Variants in RIMS2 observed in about 807,000 individuals in gnomAD.
RIMS2 encodes regulating synaptic membrane exocytosis protein 2.
In RIMS2, 59 loss-of-function variants were observed where a neutral mutation model predicts 174.4. The observed-to-expected ratio is 0.34, with a 90% CI of 0.27 to 0.42. The LOEUF (loss-of-function observed/expected upper bound fraction) is 0.42. RIMS2 is among the 10% of genes least tolerant of loss of function. The pLI is 1.00. For synonymous variants in RIMS2, 606 were observed against 572.5 expected (o/e 1.06, Z -0.84); for missense variants, 1,620 against 1,666.3 (o/e 0.97, Z 0.48).
intron 8 of RIMS2, 75 bp downstream of exon 11, chr8:103,916,612 A>G: frequency 8.6e-7 from 1 of 1,169,450 alleles, no homozygotes; most frequent in South Asian, 1.8e-5. Context: ...CCATTTAATA[A>G]TTTCTGATTG....
At chr8:103,942,962 T>C (rs1206219361) in intron 14 of RIMS2, 36 bp downstream of exon 16, 1 of 1,535,108 alleles carries the variant, frequency 6.5e-7, no homozygotes, top group East Asian at 2.3e-5. Context: ...ATTTTTATTG[T>C]ATTTTCCTAA....
intron 1 of RIMS2, among the ~76,000 whole-genome samples, chr8:103,573,753 T>G (rs946031823): frequency 6.6e-6 from 1 of 152,194 alleles, no homozygotes; most frequent in African/African-American, 2.4e-5. Context: ...AAAATGATGC[T>G]AGTAATTTGA....
At chr8:104,102,606 G>T (rs2097923728) in intron 19 of RIMS2, among the ~76,000 whole-genome samples, 1 of 152,112 alleles carries the variant, frequency 6.6e-6, no homozygotes, top group Non-Finnish European at 1.5e-5. Flanking sequence ...AGAAAAAGAG[G>T]TTTAATTGAC....
At chr8:103,717,205 C>T (rs1390080627) in intron 2 of RIMS2, among the ~76,000 whole-genome samples, 1 of 125,464 alleles carries the variant, frequency 8.0e-6, no homozygotes, top group Non-Finnish European at 1.6e-5. Context: ...TCTTTAGTTA[C>T]TCAGTTGGGG....
At chr8:103,670,100 T>G (rs1302176863) in intron 1 of RIMS2, among the ~76,000 whole-genome samples, 11 of 152,230 alleles carry the variant, frequency 7.2e-5, no homozygotes, top group Non-Finnish European at 1.5e-5. Context: ...ACCTCAATTC[T>G]TGACTTCTGT....
chr8:103,600,957 CA>C (rs1348085399), intron 1 of RIMS2, among the ~76,000 whole-genome samples: 4 of 152,152 alleles, frequency 2.6e-5, no homozygotes, highest in Non-Finnish European at 5.9e-5. Context: ...ATCAATGAAT[CA>C]GTGATGTTGA....
chr8:103,590,745 A>G (rs35972209), intron 1 of RIMS2, among the ~76,000 whole-genome samples: 27,517 of 150,956 alleles, frequency 0.18, 2,749 homozygotes, highest in African/African-American at 0.26. Flanking sequence ...TATGTAGACT[A>G]TATTCTTCTG....
chr8:104,095,994 C>T (rs1428131619), intron 19 of RIMS2, among the ~76,000 whole-genome samples: 1 of 152,048 alleles, frequency 6.6e-6, no homozygotes, highest in Non-Finnish European at 1.5e-5. Context: ...AATCTTAAGG[C>T]ATATTTTATT....
At chr8:103,921,761 C>A (rs1235134896) in exon 10 of RIMS2, 1 of 1,426,938 alleles carries the variant, frequency 7.0e-7, no homozygotes, top group Non-Finnish European at 9.9e-7. Flanking sequence ...GGATGTCCCA[C>A]AGTTCTTATC....
At chr8:103,925,471 A>G (rs2078591664) in intron 10 of RIMS2, among the ~76,000 whole-genome samples, 1 of 151,528 alleles carries the variant, frequency 6.6e-6, no homozygotes. Context: ...TCATTGTCAT[A>G]ACTTTGTTAT....
intron 19 of RIMS2, among the ~76,000 whole-genome samples, chr8:104,014,977 C>T (rs975921608): frequency 6.6e-6 from 1 of 152,136 alleles, no homozygotes; most frequent in Non-Finnish European, 1.5e-5. Flanking sequence ...AATTTTCACA[C>T]ACTGCAAAGG....
chr8:103,751,175 G>T (rs898659367), intron 2 of RIMS2, among the ~76,000 whole-genome samples: 5 of 151,936 alleles, frequency 3.3e-5, no homozygotes, highest in Non-Finnish European at 7.4e-5. Flanking sequence ...CAGTTCCCAC[G>T]CATGAGTGAG....
chr8:103,886,810 T>C (rs915908933), intron 4 of RIMS2, among the ~76,000 whole-genome samples: 2 of 151,750 alleles, frequency 1.3e-5, no homozygotes, highest in African/African-American at 4.8e-5. Flanking sequence ...TAGATGTTCT[T>C]TAGTAATACG....
chr8:103,763,875 C>A (rs1408116675), intron 2 of RIMS2, among the ~76,000 whole-genome samples: 1 of 152,212 alleles, frequency 6.6e-6, no homozygotes, highest in African/African-American at 2.4e-5. Context: ...GTATGAACTC[C>A]TTTGGTCTTA....
chr8:103,750,241 A>G (rs187041074), intron 2 of RIMS2, among the ~76,000 whole-genome samples: 4 of 152,292 alleles, frequency 2.6e-5, no homozygotes. Context: ...GAATCAGTTC[A>G]AAAAGTATCA....
chr8:103,878,485 G>T (rs1339174789), intron 3 of RIMS2, among the ~76,000 whole-genome samples: 1 of 151,740 alleles, frequency 6.6e-6, no homozygotes, highest in African/African-American at 2.4e-5. Flanking sequence ...TATTTGTTGA[G>T]GATTTTTGCA....
intron 3 of RIMS2, among the ~76,000 whole-genome samples, chr8:103,847,152 C>A (rs569562557): frequency 6.6e-6 from 1 of 152,092 alleles, no homozygotes; most frequent in Non-Finnish European, 1.5e-5. Flanking sequence ...ACCAGGATTT[C>A]TTGCTTCACA....
chr8:103,575,433 A>G lies in RIMS2; in HGVS notation c.176+74371A>G, dbSNP rs762135773. On this transcript the variant is annotated intron_variant, in intron 1 of 23. Transcript: ENST00000504942. The stretch of plus-strand genomic sequence containing the variant: ...TGACCCAGAAATTCCATTCCTAGGT[A>G]TATACTCAGCAGAAATGAATGCATG... Among the ~76,000 whole-genome samples the G allele has an allele frequency of 1.2e-4, 18 of 152,220 alleles. No individual in the cohort carries two copies. In the East Asian group the frequency reaches 1.4e-3, roughly 11 times the overall value.
At chr8:103,858,373 A>C (rs567219544) in intron 3 of RIMS2, among the ~76,000 whole-genome samples, 1 of 152,286 alleles carries the variant, frequency 6.6e-6, no homozygotes, top group South Asian at 2.1e-4. Flanking sequence ...GAAACAATTT[A>C]TAAATTATTG....
Sources: gnomAD v4.1 joint callset for allele counts (sites outside exome capture counted in the v4.1 genomes callset) on GRCh38, gnomAD v4.1.1 for gene constraint, MANE v1.5 for transcripts, NCBI Gene and HGNC (gene_info 2026-07-23, HGNC 2026-07-21) for gene names.